The following CBFB variants were observed in gnomAD, a reference collection of about 807,000 sequenced individuals.
The protein encoded by CBFB is CBF-beta.
Under a neutral mutation model 30.4 loss-of-function variants are expected in CBFB, and 9 were observed. That is an observed-to-expected ratio of 0.30 (90% CI 0.18 to 0.52). CBFB has a LOEUF of 0.52. Among genes scored for constraint, CBFB ranks in the 20% least tolerant of loss-of-function variants. The probability of loss-of-function intolerance (pLI) is 0.97; values close to 1 mark genes in which losing one functional copy is unlikely to be tolerated. For synonymous variants in CBFB, 94 were observed against 84.0 expected (o/e 1.12, Z -0.65); for missense variants, 170 against 244.0 (o/e 0.70, Z 2.02).
chr16:67,065,598 G>C (rs1961028575), intron 3 of CBFB, among the ~76,000 whole-genome samples: 1 of 151,768 alleles, frequency 6.6e-6, no homozygotes, highest in East Asian at 1.9e-4. Flanking sequence ...GGCAGGTCTT[G>C]AACTCCTGGC....
chr16:67,063,505 G>A (rs535179745), intron 3 of CBFB, among the ~76,000 whole-genome samples: 15 of 152,086 alleles, frequency 9.9e-5, no homozygotes, highest in Admixed American at 8.5e-4. Context: ...GCAGTGGTGC[G>A]ACCTCAGCTC....
intron 4 of CBFB, among the ~76,000 whole-genome samples, chr16:67,067,687 G>C (rs1343932550): frequency 6.6e-6 from 1 of 152,124 alleles, no homozygotes; most frequent in Non-Finnish European, 1.5e-5. Flanking sequence ...CATGAGCACT[G>C]GTAGATCTGT....
chr16:67,036,866 C>T, intron 3 of CBFB, 111 bp downstream of exon 3: 1 of 693,590 alleles, frequency 1.4e-6, no homozygotes, highest in Non-Finnish European at 2.6e-6. Flanking sequence ...AGCATATGCT[C>T]AGATTTGTTT....
chr16:67,061,473 AT>A (rs944981085), intron 3 of CBFB, among the ~76,000 whole-genome samples: 13 of 151,856 alleles, frequency 8.6e-5, no homozygotes, highest in African/African-American at 2.7e-4. Context: ...CTTAAATGAC[AT>A]TTTTTTTGAC....
intron 5 of CBFB, among the ~76,000 whole-genome samples, chr16:67,082,760 A>G (rs934554962): frequency 6.6e-6 from 1 of 152,190 alleles, no homozygotes; most frequent in Non-Finnish European, 1.5e-5. Context: ...TTTTAACTAA[A>G]GGAAAATTTA....
intron 4 of CBFB, among the ~76,000 whole-genome samples, chr16:67,077,809 A>G (rs1961443527): frequency 6.6e-6 from 1 of 152,256 alleles, no homozygotes; most frequent in Non-Finnish European, 1.5e-5. Context: ...CAGTGAAGAG[A>G]GAATTACTAC....
Position 67,036,507 on chromosome 16 carries a change from GT to G in CBFB, c.166-123del, listed in dbSNP as rs560508634. 1,273 of 584,814 alleles carry G rather than the reference GT, an allele frequency of 2.2e-3. 4 individuals carry two copies. Among genetic ancestry groups the G allele is most frequent in the Non-Finnish European group, 3.2e-3 (1,030 of 320,910 alleles). 36.2% of individuals were successfully genotyped at this position (584,814 alleles called of 1,614,324 possible). A position where few individuals can be genotyped will look rare whatever the true frequency, so the allele number is the denominator to read the frequency against. ...TACTTAAGAAAAATGATGAGTGCAT[GT>G]TTTTTTTTACTTTTAAGTATTCTCT... On this transcript the variant is annotated intron_variant, in intron 2 of 5. Coordinates refer to ENST00000412916, the MANE Select transcript of CBFB (RefSeq NM_022845.3).
intron 5 of CBFB, among the ~76,000 whole-genome samples, chr16:67,098,307 T>G (rs1678360786): frequency 6.6e-6 from 1 of 152,140 alleles, no homozygotes; most frequent in Admixed American, 6.5e-5. Context: ...GCTAATTTTT[T>G]TGTATTTTTC....
intron 4 of CBFB, among the ~76,000 whole-genome samples, chr16:67,075,552 ATG>A (rs141501702): frequency 3.3e-5 from 5 of 150,324 alleles, no homozygotes; most frequent in South Asian, 4.2e-4. Context: ...GCATGCATAT[ATG>A]TGTGTGTGTG....
intron 3 of CBFB, among the ~76,000 whole-genome samples, chr16:67,057,126 G>C (rs1960752395): frequency 6.6e-6 from 1 of 151,624 alleles, no homozygotes; most frequent in African/African-American, 2.4e-5. Context: ...GGGATTACAG[G>C]CACCTGCCAC....
intron 3 of CBFB, among the ~76,000 whole-genome samples, chr16:67,048,890 A>G (rs931005901): frequency 7.7e-6 from 1 of 130,676 alleles, no homozygotes; most frequent in Non-Finnish European, 1.5e-5. Context: ...GCGCCATCTC[A>G]GCTCACCACG....
At chr16:67,046,526 A>G (rs577187331) in intron 3 of CBFB, among the ~76,000 whole-genome samples, 1 of 152,272 alleles carries the variant, frequency 6.6e-6, no homozygotes, top group East Asian at 1.9e-4. Context: ...GTAGTTTTTC[A>G]ATCAGCATTA....
intron 5 of CBFB, among the ~76,000 whole-genome samples, chr16:67,084,095 C>T (rs1425109157): frequency 3.6e-5 from 5 of 137,824 alleles, no homozygotes; most frequent in South Asian, 2.4e-4. Context: ...TGAGCCTAGG[C>T]GCTTAAGGCT....
At chr16:67,029,634 T>C (rs993571826) in intron 1 of CBFB, 93 bp from the exon 2 acceptor site, 88 of 1,349,424 alleles carry the variant, frequency 6.5e-5, no homozygotes, top group Non-Finnish European at 8.7e-5. Context: ...GCCCGCAGCC[T>C]CTGCTTGCCC....
chr16:67,034,021 G>T (rs1966402221), intron 2 of CBFB, among the ~76,000 whole-genome samples: 1 of 151,792 alleles, frequency 6.6e-6, no homozygotes, highest in African/African-American at 2.4e-5. Flanking sequence ...GTAGAGGTGG[G>T]GTTTCACTAT....
At chr16:67,084,056 A>G (rs1478823297) in intron 5 of CBFB, among the ~76,000 whole-genome samples, 4 of 150,676 alleles carry the variant, frequency 2.7e-5, no homozygotes, top group African/African-American at 7.3e-5. Context: ...TGTCCTAGCT[A>G]CTCAGGAGGC....
At chr16:67,066,909 T>C in intron 4 of CBFB, 111 bp downstream of exon 4, 1 of 597,342 alleles carries the variant, frequency 1.7e-6, no homozygotes, top group South Asian at 2.0e-5. Flanking sequence ...AAGTATTGTG[T>C]TGAAGCAATA....
At chr16:67,043,097 G>A (rs1420275263) in intron 3 of CBFB, among the ~76,000 whole-genome samples, 1 of 152,096 alleles carries the variant, frequency 6.6e-6, no homozygotes, top group Non-Finnish European at 1.5e-5. Context: ...TCTATTATTT[G>A]AGTCACTTGT....
At chr16:67,031,236 A>G (rs988853826) in intron 2 of CBFB, among the ~76,000 whole-genome samples, 4 of 152,246 alleles carry the variant, frequency 2.6e-5, no homozygotes, top group African/African-American at 9.6e-5. Flanking sequence ...TTTGGTCATT[A>G]GTGCATGTTA....
Sources: allele counts gnomAD v4.1 joint callset (sites outside exome capture counted in the v4.1 genomes callset), GRCh38; gene constraint gnomAD v4.1.1; transcripts MANE v1.5; gene names NCBI Gene and HGNC (gene_info 2026-07-23, HGNC 2026-07-21).